The following EBF1 variants were observed in gnomAD, a reference collection of about 807,000 sequenced individuals.
EBF1 encodes the protein transcription factor COE1.
A neutral mutation model predicts 68.4 loss-of-function variants in EBF1; 10 were observed. The ratio of observed to expected loss-of-function variants is 0.15; its 90% CI spans 0.09 to 0.25. The LOEUF is 0.25. Among genes scored for constraint, EBF1 ranks in the 10% least tolerant of loss-of-function variants. The pLI is 1.00. For missense variants in EBF1, 509 were observed against 794.4 expected, an observed-to-expected ratio of 0.64 and a Z score of 4.32; for synonymous variants, 298 against 299.8, an observed-to-expected ratio of 0.99 and a Z score of 0.06.
chr5:158,967,334 T>C (rs13180086), intron 6 of EBF1, among the ~76,000 whole-genome samples: 115,167 of 152,114 alleles, frequency 0.76, 44,089 homozygotes, highest in South Asian at 0.89. Context: ...CATTCTGGAA[T>C]TATGGACCAG....
At chr5:158,824,872 G>A (rs1396882737) in intron 7 of EBF1, among the ~76,000 whole-genome samples, 4 of 152,202 alleles carry the variant, frequency 2.6e-5, no homozygotes, top group African/African-American at 7.2e-5. Context: ...TCCTTTCCCA[G>A]AGCCTCAAAG....
At chr5:158,802,340 T>G (rs1410059328) in intron 8 of EBF1, among the ~76,000 whole-genome samples, 3 of 152,164 alleles carry the variant, frequency 2.0e-5, no homozygotes, top group African/African-American at 7.2e-5. Context: ...CTAAATACAC[T>G]GGAGAAACAA....
intron 5 of EBF1, among the ~76,000 whole-genome samples, chr5:159,075,967 C>T (rs568742816): frequency 2.0e-5 from 3 of 152,146 alleles, no homozygotes; most frequent in Non-Finnish European, 4.4e-5. Context: ...AGAGCTCAGC[C>T]TATAGCTCCT....
intron 10 of EBF1, among the ~76,000 whole-genome samples, chr5:158,743,161 A>G (rs1766796230): frequency 6.6e-6 from 1 of 152,212 alleles, no homozygotes; most frequent in Admixed American, 6.6e-5. Context: ...ATTAATGTAC[A>G]CTGCACAAAA....
intron 6 of EBF1, among the ~76,000 whole-genome samples, chr5:158,860,514 T>C (rs1284038761): frequency 6.6e-6 from 1 of 152,238 alleles, no homozygotes; most frequent in Non-Finnish European, 1.5e-5. Flanking sequence ...CACCACCATG[T>C]GGACAGGAGC....
At chr5:159,078,491 C>A (rs547469194) in intron 5 of EBF1, among the ~76,000 whole-genome samples, 19 of 152,146 alleles carry the variant, frequency 1.2e-4, no homozygotes, top group Non-Finnish European at 2.5e-4. Flanking sequence ...GACTGATGGA[C>A]CTTCATCCGT....
intron 6 of EBF1, among the ~76,000 whole-genome samples, chr5:158,992,405 T>C (rs545262292): frequency 1.3e-5 from 2 of 152,104 alleles, no homozygotes; most frequent in South Asian, 2.1e-4. Flanking sequence ...TATAAATACA[T>C]TTAGATCCAT....
intron 11 of EBF1, among the ~76,000 whole-genome samples, chr5:158,726,353 C>A (rs780474559): frequency 6.6e-6 from 1 of 152,058 alleles, no homozygotes. Context: ...TAGTTAGACA[C>A]GGTGAGCTAA....
chr5:158,710,827 T>C (rs1759063224), intron 14 of EBF1, among the ~76,000 whole-genome samples: 1 of 152,216 alleles, frequency 6.6e-6, no homozygotes, highest in Non-Finnish European at 1.5e-5. Flanking sequence ...TCATGAATAT[T>C]CTTTAATTTA....
At chr5:159,084,586 A>G in intron 5 of EBF1, 80 bp downstream of exon 5, 1 of 1,242,174 alleles carries the variant, frequency 8.1e-7, no homozygotes, top group Non-Finnish European at 1.1e-6. Context: ...AAAAAAAAAA[A>G]GACCAAAGTT....
intron 15 of EBF1, among the ~76,000 whole-genome samples, chr5:158,700,369 G>A (rs953400759): frequency 3.9e-5 from 6 of 152,214 alleles, no homozygotes; most frequent in Non-Finnish European, 8.8e-5. Context: ...TCCCAATCAC[G>A]GTTAAGTGTC....
intron 6 of EBF1, among the ~76,000 whole-genome samples, chr5:158,906,328 GA>G (rs1804605552): frequency 7.5e-6 from 1 of 132,586 alleles, no homozygotes; most frequent in African/African-American, 2.8e-5. Flanking sequence ...AAAAAGCAAA[GA>G]GACTCCAGGT....
intron 6 of EBF1, among the ~76,000 whole-genome samples, chr5:159,037,882 C>G (rs1770400464): frequency 6.6e-6 from 1 of 152,184 alleles, no homozygotes; most frequent in South Asian, 2.1e-4. Flanking sequence ...GCCACCATCA[C>G]ATTTGCCACA....
At chr5:159,068,257 C>A (rs906081646) in intron 6 of EBF1, among the ~76,000 whole-genome samples, 18 of 152,048 alleles carry the variant, frequency 1.2e-4, no homozygotes, top group Non-Finnish European at 2.2e-4. Context: ...TGGAATTTAC[C>A]TCTGATTATA....
At chr5:158,998,305 G>C (rs956693670) in intron 6 of EBF1, among the ~76,000 whole-genome samples, 1 of 151,986 alleles carries the variant, frequency 6.6e-6, no homozygotes, top group African/African-American at 2.4e-5. Context: ...CAACCTCCTC[G>C]ACAAGGCTTT....
At chr5:158,929,643 GTTA>G (rs1810413912) in intron 6 of EBF1, among the ~76,000 whole-genome samples, 1 of 152,152 alleles carries the variant, frequency 6.6e-6, no homozygotes, top group Non-Finnish European at 1.5e-5. Flanking sequence ...CTAATTAACA[GTTA>G]TTATGGCATT....
intron 6 of EBF1, among the ~76,000 whole-genome samples, chr5:159,008,443 C>A (rs1459044361): frequency 7.2e-6 from 1 of 139,168 alleles, no homozygotes; most frequent in Non-Finnish European, 1.6e-5. Context: ...AGAAAATACA[C>A]CTCAAATGCA....
At chr5:159,039,883 C>G in intron 6 of EBF1, among the ~76,000 whole-genome samples, 1 of 152,148 alleles carries the variant, frequency 6.6e-6, no homozygotes, top group East Asian at 1.9e-4. Flanking sequence ...ATATACACAG[C>G]TAGGTTTAAA....
intron 11 of EBF1, among the ~76,000 whole-genome samples, chr5:158,718,525 C>T (rs949245416): frequency 3.3e-5 from 5 of 152,142 alleles, no homozygotes; most frequent in South Asian, 4.1e-4. Context: ...AAGGAGATCA[C>T]TCTCATTTAT....
Sources: gnomAD v4.1 joint callset for allele counts (sites outside exome capture counted in the v4.1 genomes callset) on GRCh38, gnomAD v4.1.1 for gene constraint, MANE v1.5 for transcripts, NCBI Gene and HGNC (gene_info 2026-07-23, HGNC 2026-07-21) for gene names.